CNTNAP5: variants seen among roughly 807,000 people sequenced by gnomAD.
CNTNAP5 encodes the protein contactin-associated protein-like 5.
In CNTNAP5, 72 loss-of-function variants were observed where a neutral mutation model predicts 150.2. The observed-to-expected ratio is 0.48, with a 90% CI of 0.40 to 0.58. CNTNAP5 has a LOEUF of 0.58. CNTNAP5 is among the 20% of genes least tolerant of loss of function. The pLI is 0.00. For missense variants in CNTNAP5, 1,636 were observed against 1,626.2 expected (o/e 1.01, Z -0.10); for synonymous variants, 672 against 619.8 (o/e 1.08, Z -1.25).
chr2:124,658,151 G>A (rs1044885712), intron 13 of CNTNAP5, among the ~76,000 whole-genome samples: 1 of 152,152 alleles, frequency 6.6e-6, no homozygotes, highest in African/African-American at 2.4e-5. Flanking sequence ...GATGTCAAAG[G>A]ACAGATGACA....
At chr2:124,640,463 T>C (rs1678067614) in intron 12 of CNTNAP5, among the ~76,000 whole-genome samples, 2 of 152,148 alleles carry the variant, frequency 1.3e-5, no homozygotes, top group East Asian at 3.9e-4. Flanking sequence ...CCAGCCACCC[T>C]GAACCGGTAA....
chr2:124,273,387 A>G (rs780035), intron 3 of CNTNAP5, among the ~76,000 whole-genome samples: 44,994 of 152,102 alleles, frequency 0.3, 7,245 homozygotes, highest in Admixed American at 0.38. Context: ...AGAAAGATGG[A>G]CATCCAGGTT....
At position 124,918,786 on chromosome 2, in the gene CNTNAP5, C is replaced by T. The variant is rs749861398; in HGVS notation, c.*4498C>T. Among the ~76,000 whole-genome samples, 30 of 151,972 alleles carry T rather than the reference C, an allele frequency of 2.0e-4. No homozygotes were observed. The highest frequency in any genetic ancestry group is 3.2e-4 in the Non-Finnish European group (22 of 67,968). ...CTCAATTATCCTACAGGTCATGTAT[C>T]GACTAAATAAATAAACTGACTTCAT... On this transcript the variant is annotated 3_prime_UTR_variant, in exon 24 of 24. Transcript: ENST00000682447.
At chr2:124,568,495 C>G (rs1696081300) in intron 11 of CNTNAP5, among the ~76,000 whole-genome samples, 1 of 152,214 alleles carries the variant, frequency 6.6e-6, no homozygotes, top group Non-Finnish European at 1.5e-5. Flanking sequence ...GCACTTTCCC[C>G]TAGAGAATAC....
intron 13 of CNTNAP5, among the ~76,000 whole-genome samples, chr2:124,725,323 A>C (rs1418732493): frequency 6.6e-6 from 1 of 152,128 alleles, no homozygotes; most frequent in Admixed American, 6.6e-5. Context: ...TAATTGACAA[A>C]AATTGTATAT....
intron 21 of CNTNAP5, among the ~76,000 whole-genome samples, chr2:124,896,185 G>A (rs529647496): frequency 6.6e-6 from 1 of 151,638 alleles, no homozygotes; most frequent in South Asian, 2.1e-4. Context: ...ATCAAAGAGA[G>A]CGTTCTGGAT....
intron 13 of CNTNAP5, among the ~76,000 whole-genome samples, chr2:124,707,201 G>GAAGAAGAAGAAT (rs1390951606): frequency 1.0e-4 from 14 of 140,622 alleles, no homozygotes; most frequent in Non-Finnish European, 1.6e-4. Flanking sequence ...AGAAGAAGAA[G>GAAGAAGAAGAAT]AAGAATAAAC....
intron 13 of CNTNAP5, among the ~76,000 whole-genome samples, chr2:124,661,144 T>C (rs1678581053): frequency 6.6e-6 from 1 of 151,976 alleles, no homozygotes. Context: ...CTACACTACA[T>C]TTAAAAAAAT....
At chr2:124,153,768 C>T (rs6719288) in intron 1 of CNTNAP5, among the ~76,000 whole-genome samples, 39,254 of 151,404 alleles carry the variant, frequency 0.26, 5,670 homozygotes, top group African/African-American at 0.39. Flanking sequence ...TGCCACCACA[C>T]CCCGCTAATT....
intron 1 of CNTNAP5, among the ~76,000 whole-genome samples, chr2:124,127,907 A>T (rs1683749429): frequency 6.6e-6 from 1 of 152,190 alleles, no homozygotes; most frequent in African/African-American, 2.4e-5. Flanking sequence ...ACAAAAATTA[A>T]TTCAAGATGG....
chr2:124,653,609 T>G (rs1678367093), intron 13 of CNTNAP5, among the ~76,000 whole-genome samples: 1 of 150,776 alleles, frequency 6.6e-6, no homozygotes, highest in Non-Finnish European at 1.5e-5. Flanking sequence ...ATGTGAAAAA[T>G]TAATGATTTA....
chr2:124,764,274 G>A (rs923733409), intron 16 of CNTNAP5, 127 bp downstream of exon 16: 2 of 705,942 alleles, frequency 2.8e-6, no homozygotes, highest in African/African-American at 3.5e-5. Context: ...TGTAAAATTA[G>A]CAGTGATAAT....
intron 3 of CNTNAP5, among the ~76,000 whole-genome samples, chr2:124,277,661 A>G (rs1424721777): frequency 1.3e-5 from 2 of 152,090 alleles, no homozygotes; most frequent in African/African-American, 4.8e-5. Flanking sequence ...CATTTCAACC[A>G]TCTGTCAATT....
intron 17 of CNTNAP5, among the ~76,000 whole-genome samples, chr2:124,773,231 G>A (rs1164263554): frequency 6.6e-6 from 1 of 152,074 alleles, no homozygotes; most frequent in Non-Finnish European, 1.5e-5. Context: ...AAATTTTGAG[G>A]TTGTCCAGAT....
intron 21 of CNTNAP5, among the ~76,000 whole-genome samples, chr2:124,892,314 T>A (rs1387786028): frequency 6.6e-6 from 1 of 152,146 alleles, no homozygotes; most frequent in Non-Finnish European, 1.5e-5. Flanking sequence ...AGAACAATGA[T>A]ATAAATTTCC....
intron 16 of CNTNAP5, 62 bp downstream of exon 16, chr2:124,764,209 T>G: frequency 7.3e-7 from 1 of 1,362,686 alleles, no homozygotes; most frequent in Non-Finnish European, 1.0e-6. Flanking sequence ...AGTCTTGTTT[T>G]TGCCACCAGT....
chr2:124,630,029 A>G (rs772718414), intron 12 of CNTNAP5, among the ~76,000 whole-genome samples: 5 of 151,870 alleles, frequency 3.3e-5, no homozygotes, highest in Admixed American at 1.3e-4. Flanking sequence ...AATAAGTTAA[A>G]TTCCTGAATA....
chr2:124,289,403 T>C (rs2104632065), intron 3 of CNTNAP5, among the ~76,000 whole-genome samples: 1 of 152,300 alleles, frequency 6.6e-6, no homozygotes, highest in Admixed American at 6.5e-5. Context: ...AAAATTTGTT[T>C]CACATGGCTT....
At chr2:124,708,700 T>C (rs903916657) in intron 13 of CNTNAP5, among the ~76,000 whole-genome samples, 1 of 152,172 alleles carries the variant, frequency 6.6e-6, no homozygotes, top group Non-Finnish European at 1.5e-5. Flanking sequence ...TGCTACTACC[T>C]TTATCCTAAG....
Sources: allele counts gnomAD v4.1 joint callset (sites outside exome capture counted in the v4.1 genomes callset), GRCh38; gene constraint gnomAD v4.1.1; transcripts MANE v1.5; gene names NCBI Gene and HGNC (gene_info 2026-07-23, HGNC 2026-07-21).